Variants in MALAT1 observed in about 807,000 individuals in gnomAD.
The protein encoded by MALAT1 is metastasis associated lung adenocarcinoma transcript 1.
At chr11:65,497,832 A>G (rs766225876) in exon 1 of MALAT1, 1 of 514,296 alleles carries the variant, frequency 1.9e-6, no homozygotes, top group African/African-American at 1.9e-5. Flanking sequence ...GCAACGCAGA[A>G]GCCCGGCGCC....
At chr11:65,500,208 G>T in exon 3 of MALAT1, 1 of 513,664 alleles carries the variant, frequency 1.9e-6, no homozygotes, top group Non-Finnish European at 3.9e-6. Context: ...AAGGCAGAAG[G>T]CTTTTGGAAG....
rs376767383 is a variant in MALAT1, at chr11:65,498,594, C to T, written n.179-88C>T. The T allele has an allele frequency of 6.2e-5, 32 of 518,710 alleles. No individual in the cohort carries two copies. The Middle Eastern group carries it at 9.5e-4, about 15-fold the overall frequency. 32.1% of individuals were successfully genotyped at this position (518,710 alleles called of 1,614,324 possible). On this transcript the variant is annotated intron_variant and non_coding_transcript_variant, in intron 1 of 3. Transcript: ENST00000619449. The stretch of plus-strand genomic sequence containing the variant: ...GGGGAGAAAGTCCGCCATTTTGCCA[C>T]TTCTCAACCGTCCCTGCAAGGCTGG...
chr11:65,500,781 C>A (rs1433659247), exon 3 of MALAT1: 1 of 518,856 alleles, frequency 1.9e-6, no homozygotes, highest in Non-Finnish European at 3.8e-6. Context: ...TCCGTGAGGT[C>A]GGCAATATGT....
chr11:65,500,260 T>A (rs1018872021), exon 3 of MALAT1: 2 of 518,544 alleles, frequency 3.9e-6, no homozygotes, highest in African/African-American at 3.9e-5. Context: ...GTAGCTTAGT[T>A]TGAAAAATGT....
chr11:65,501,584 T>A, exon 3 of MALAT1: 1 of 518,790 alleles, frequency 1.9e-6, no homozygotes, highest in Non-Finnish European at 3.8e-6. Flanking sequence ...TTTCTAAGAT[T>A]TTCCACAGAT....
exon 3 of MALAT1, chr11:65,502,534 T>G (rs1854572985): frequency 2.1e-6 from 1 of 484,454 alleles, no homozygotes. Flanking sequence ...CTTATCTGTT[T>G]GTAAATTGTA....
At chr11:65,499,296 C>G (rs1565674529) in exon 3 of MALAT1, 2 of 511,868 alleles carry the variant, frequency 3.9e-6, no homozygotes, top group South Asian at 1.4e-5. Flanking sequence ...GTTTCTAAAA[C>G]ATGACGGAGG....
intron 3 of MALAT1, chr11:65,504,221 C>T (rs772215074): frequency 5.8e-6 from 3 of 517,772 alleles, no homozygotes; most frequent in Admixed American, 1.9e-5. Context: ...GTGTATGAGA[C>T]CTTGCAGTGA....
chr11:65,505,745 G>T (rs763313427), intron 3 of MALAT1: 1 of 518,960 alleles, frequency 1.9e-6, no homozygotes, highest in Admixed American at 1.9e-5. Context: ...TAACAGAAGG[G>T]TATTAAAACC....
At chr11:65,505,632 C>T (rs748524118) in intron 3 of MALAT1, 2 of 518,988 alleles carry the variant, frequency 3.9e-6, no homozygotes, top group East Asian at 5.4e-5. Flanking sequence ...AGCTTGGATC[C>T]TTGTGGGCAT....
chr11:65,498,420 TGTG>T (rs1565672067), intron 1 of MALAT1: 1 of 518,580 alleles, frequency 1.9e-6, no homozygotes, highest in Non-Finnish European at 3.8e-6. Context: ...GGAGCAGCTC[TGTG>T]GTGTGGGATT....
chr11:65,505,428 T>TTA (rs1430868370), intron 3 of MALAT1: 1 of 511,054 alleles, frequency 2.0e-6, no homozygotes, highest in Admixed American at 2.1e-5. Flanking sequence ...TAGCAGCTCT[T>TTA]AATAATAAAG....
At chr11:65,497,881 C>T (rs1854423909) in intron 1 of MALAT1, 1 of 518,780 alleles carries the variant, frequency 1.9e-6, no homozygotes, top group Non-Finnish European at 3.9e-6. Flanking sequence ...TCCCCTCTGA[C>T]GCCTCCGGGA....
At chr11:65,504,960 C>G (rs781588128) in intron 3 of MALAT1, 1 of 518,784 alleles carries the variant, frequency 1.9e-6, no homozygotes, top group South Asian at 1.4e-5. Flanking sequence ...AGATGGTATT[C>G]TTCAGACTAT....
chr11:65,505,606 C>T (rs1854667222), intron 3 of MALAT1: 3 of 518,894 alleles, frequency 5.8e-6, no homozygotes, highest in African/African-American at 5.8e-5. Flanking sequence ...TCACCCCTCA[C>T]CTCGATGCAG....
chr11:65,498,117 A>T (rs757132118), intron 1 of MALAT1: 1 of 518,694 alleles, frequency 1.9e-6, no homozygotes, highest in Non-Finnish European at 3.8e-6. Flanking sequence ...CAAAACAAAA[A>T]CCCCTAAAAA....
exon 3 of MALAT1, chr11:65,501,274 T>C (rs539662901): frequency 1.9e-6 from 1 of 517,000 alleles, no homozygotes; most frequent in East Asian, 5.5e-5. Flanking sequence ...TCTTTTTCCC[T>C]TAGGTCTGTC....
chr11:65,500,399 G>T (rs2134980296), exon 3 of MALAT1: 1 of 518,966 alleles, frequency 1.9e-6, no homozygotes, highest in South Asian at 1.4e-5. Context: ...GCTGACCCAG[G>T]TGCTACACAG....
exon 3 of MALAT1, chr11:65,503,099 A>G (rs367742169): frequency 2.4e-4 from 122 of 509,998 alleles, no homozygotes; most frequent in African/African-American, 7.9e-4. Flanking sequence ...CTGTGTGCCA[A>G]TGTTTCGTTT....
Sources: allele counts gnomAD v4.1 joint callset, GRCh38; gene constraint gnomAD v4.1.1; transcripts MANE v1.5; gene names NCBI Gene and HGNC (gene_info 2026-07-23, HGNC 2026-07-21).